The following CENPS variants were observed in gnomAD, a reference collection of about 807,000 sequenced individuals.
CENPS encodes the protein FANCM associated histone fold protein 1.
Under a neutral mutation model 17.9 loss-of-function variants are expected in CENPS, and 16 were observed. The ratio of observed to expected loss-of-function variants is 0.90; its 90% CI spans 0.61 to 1.36. The LOEUF (loss-of-function observed/expected upper bound fraction) is 1.36, where lower values mean the gene tolerates loss of function less well. CENPS is among the 40% of genes most tolerant of loss of function. CENPS has a pLI of 0.00. For synonymous variants in CENPS, 49 were observed against 55.8 expected, an observed-to-expected ratio of 0.88 and a Z score of 0.54; for missense variants, 160 against 158.6, an observed-to-expected ratio of 1.01 and a Z score of -0.05.
At chr1:10,432,731 T>C (rs1350713734) in intron 1 of CENPS, among the ~76,000 whole-genome samples, 1 of 151,972 alleles carries the variant, frequency 6.6e-6, no homozygotes, top group Non-Finnish European at 1.5e-5. Context: ...CACCCATACC[T>C]AAAAAAGATG....
chr1:10,430,887 G>A (rs1016416189), intron 1 of CENPS: 1 of 1,287,160 alleles, frequency 7.8e-7, no homozygotes. Context: ...TGGGGTTTTC[G>A]TGAGGGTACA....
intron 3 of CENPS, among the ~76,000 whole-genome samples, chr1:10,436,732 G>A (rs200525429): frequency 4.3e-5 from 6 of 140,790 alleles, no homozygotes; most frequent in South Asian, 2.2e-4. Flanking sequence ...GAAAAGAAAA[G>A]AAAAAAAAAA....
Position 10,442,386 on chromosome 1 carries a change from T to C in CENPS, c.398T>C (p.Val133Ala). 5.1e-6 allele frequency: 8 copies of C among 1,582,980 alleles called. No individual in the cohort carries two copies. Among genetic ancestry groups the C allele is most frequent in the Non-Finnish European group, 6.8e-6 (8 of 1,171,616 alleles). The change falls in exon 5 of 5, where the codon GTG (valine) becomes GCG (alanine). Residue 133 changes from valine to alanine, a missense_variant. Physicochemically the swap from Val to Ala is moderately conservative, Grantham distance 64. Transcript: ENST00000309048. Reference protein sequence around the residue: ...KNSRQPAEAGVVESEN With the variant: ...KNSRQPAEAGAVESEN ...TCAAGGCAGCCAGCAGAGGCTGGAG[T>C]GGTGGAAAGTGAGAATTAAAGTCCC... is the stretch of plus-strand genomic sequence containing the variant.
intron 4 of CENPS, among the ~76,000 whole-genome samples, chr1:10,441,490 G>A (rs114970595): frequency 0.028 from 4,145 of 150,678 alleles, 181 homozygotes; most frequent in African/African-American, 0.095. Context: ...ATTTTTGTAT[G>A]TTTTGTAGAG....
At position 10,440,362 on chromosome 1, in the gene CENPS, C is replaced by A; in HGVS notation, c.225C>A (p.Thr75=). The A allele has an allele frequency of 6.2e-7, 1 of 1,613,568 alleles. No homozygotes were observed. Among genetic ancestry groups the A allele is most frequent in the Non-Finnish European group, 8.5e-7 (1 of 1,179,844 alleles). Reference sequence around the variant, plus strand: ...CTTTCTGCAGACATGCGAAAAGAACCACAATTAACACTGAAGATGTGAAGC... The same window carrying A: ...CTTTCTGCAGACATGCGAAAAGAACAACAATTAACACTGAAGATGTGAAGC... The part of the protein sequence containing the change: ...LEMFARHAKR[T]TINTEDVKLL... The change falls in exon 4 of 5, where the codon ACC becomes ACA. Residue 75 remains threonine, a synonymous_variant. Coordinates refer to ENST00000309048, the MANE Select transcript of CENPS (RefSeq NM_199294.3).
At chr1:10,437,826 A>G (rs1640237804) in intron 3 of CENPS, among the ~76,000 whole-genome samples, 1 of 144,130 alleles carries the variant, frequency 6.9e-6, no homozygotes, top group African/African-American at 2.6e-5. Flanking sequence ...GCAGCAGCTC[A>G]ATCTCGGCTC....
Position 10,442,363 on chromosome 1 carries a change from A to G in CENPS, c.375A>G (p.Ser125=). The G allele has an allele frequency of 6.2e-7, 1 of 1,606,638 alleles. No individual in the cohort carries two copies. Among genetic ancestry groups the G allele is most frequent in the Non-Finnish European group, 8.5e-7 (1 of 1,178,202 alleles). The change falls in exon 5 of 5, where the codon TCA becomes TCG. Residue 125 remains serine (S), a synonymous_variant. Coordinates refer to ENST00000309048, the MANE Select transcript of CENPS (RefSeq NM_199294.3). ...KKKSEDGSKN[S]RQPAEAGVVE... is the part of the protein sequence containing the mutation. ...AGTCAGAGGATGGAAGCAAAAATTC[A>G]AGGCAGCCAGCAGAGGCTGGAGTGG...
chr1:10,436,085 C>G (rs914014712), intron 3 of CENPS, among the ~76,000 whole-genome samples: 4 of 150,926 alleles, frequency 2.7e-5, no homozygotes, highest in Non-Finnish European at 5.9e-5. Flanking sequence ...TCAAGTGATT[C>G]TCCTGCCTCA....
intron 3 of CENPS, among the ~76,000 whole-genome samples, chr1:10,437,489 C>T (rs895688847): frequency 1.6e-5 from 2 of 121,572 alleles, no homozygotes; most frequent in African/African-American, 6.2e-5. Context: ...TGGAGTCTCA[C>T]TCTGTCGCCC....
chr1:10,440,335 C>T lies in CENPS; in HGVS notation c.210-12C>T, dbSNP rs557932514. 1 of 1,611,780 alleles carries T rather than the reference C, an allele frequency of 6.2e-7. No homozygotes were observed. Among genetic ancestry groups the T allele is most frequent in the African/African-American group, 1.3e-5 (1 of 74,928 alleles). ...CAAACATTTTGGTGACTTGCTTCTGCCCTTTCTGCAGACATGCGAAAAGAA... is the reference window on the plus strand; with the variant it reads ...CAAACATTTTGGTGACTTGCTTCTGTCCTTTCTGCAGACATGCGAAAAGAA... On this transcript the variant is annotated splice_polypyrimidine_tract_variant and intron_variant, in intron 3 of 4. Coordinates refer to ENST00000309048, the MANE Select transcript of CENPS (RefSeq NM_199294.3).
At chr1:10,441,313 CTTTTTTTTTT>C (rs747986112) in intron 4 of CENPS, among the ~76,000 whole-genome samples, 2 of 109,576 alleles carry the variant, frequency 1.8e-5, no homozygotes, top group South Asian at 3.2e-4. Flanking sequence ...TGTGCCACAA[CTTTTTTTTTT>C]TTTTTTTTTT....
intron 4 of CENPS, among the ~76,000 whole-genome samples, chr1:10,441,218 C>T (rs1640393221): frequency 1.3e-5 from 2 of 151,304 alleles, no homozygotes; most frequent in Non-Finnish European, 2.9e-5. Context: ...CATGCAGTCT[C>T]TCTCTGTTGC....
chr1:10,436,858 A>G (rs992130719), intron 3 of CENPS, among the ~76,000 whole-genome samples: 2 of 152,166 alleles, frequency 1.3e-5, no homozygotes, highest in Non-Finnish European at 2.9e-5. Flanking sequence ...AGCACAACCC[A>G]CAAGTACAGG....
chr1:10,440,400 G>C lies in CENPS; in HGVS notation c.263G>C (p.Arg88Thr), dbSNP rs769016660. 3.1e-6 allele frequency: 5 copies of C among 1,614,056 alleles called. No individual in the cohort carries two copies. In the South Asian group the frequency reaches 5.5e-5, roughly 18 times the overall value. Residue 88 changes from arginine (R) to threonine (T), a missense_variant, in exon 4 of 5, where the codon AGG (arginine) becomes ACG (threonine). By Grantham distance (71) the Arg-to-Thr change is moderately conservative. Coordinates refer to ENST00000309048, the MANE Select transcript of CENPS (RefSeq NM_199294.3). ...GAAGATGTGAAGCTCTTAGCCAGGA[G>C]GAGTAATTCACTGGTGAGAGATGAA... ...NTEDVKLLAR[R>T]SNSLLKYITD...
intron 3 of CENPS, among the ~76,000 whole-genome samples, chr1:10,438,909 C>T (rs1467802127): frequency 6.6e-6 from 1 of 152,140 alleles, no homozygotes; most frequent in African/African-American, 2.4e-5. Flanking sequence ...ACTAGGCCAC[C>T]CTGTCCATGT....
At position 10,434,688 on chromosome 1, in the gene CENPS, A is replaced by C; in HGVS notation, c.207A>C (p.Ala69=). Residue 69 remains alanine, a splice_region_variant and synonymous_variant, in exon 3 of 5, where the codon GCA becomes GCC. Transcript: ENST00000309048. ...ENFAKDLEMF[A]RHAKRTTINT... ...TTGCCAAAGACCTTGAAATGTTTGC[A>C]AGGTGGGTAGAGAACTTGATTATCC... 3 of 1,606,810 alleles carry C rather than the reference A, an allele frequency of 1.9e-6. No individual in the cohort carries two copies. The highest frequency in any genetic ancestry group is 2.5e-6 in the Non-Finnish European group (3 of 1,178,012).
Position 10,430,958 on chromosome 1 carries a change from C to T in CENPS, c.51+390C>T, listed in dbSNP as rs183210256. On this transcript the variant is annotated intron_variant, in intron 1 of 4. Transcript: ENST00000309048. Reference sequence around the variant, plus strand: ...GCGGTGGGCGGTTCGGGCCGGAGCTCTGGAACGCTGGCCCTGGAGGCGTCG... The same window carrying T: ...GCGGTGGGCGGTTCGGGCCGGAGCTTTGGAACGCTGGCCCTGGAGGCGTCG... 1,055 of 1,259,484 alleles carry T rather than the reference C, an allele frequency of 8.4e-4. 10 individuals carry two copies. In the African/African-American group the frequency reaches 0.015, roughly 18 times the overall value. 78.0% of individuals were successfully genotyped at this position (1,259,484 alleles called of 1,614,324 possible). A position where few individuals can be genotyped will look rare whatever the true frequency, so the allele number is the denominator to read the frequency against.
chr1:10,438,935 C>G (rs1055897214), intron 3 of CENPS, among the ~76,000 whole-genome samples: 2 of 152,262 alleles, frequency 1.3e-5, no homozygotes, highest in African/African-American at 2.4e-5. Flanking sequence ...TAACATTCTC[C>G]ACCCAGAACG....
chr1:10,442,681 T>A lies in CENPS; in HGVS notation c.*276T>A. 3.0e-6 allele frequency: 1 copy of A among 333,046 alleles called. No homozygotes were observed. The highest frequency in any genetic ancestry group is 5.0e-6 in the Non-Finnish European group (1 of 201,432). 20.6% of individuals were successfully genotyped at this position (333,046 alleles called of 1,614,324 possible). The stretch of plus-strand genomic sequence containing the variant: ...TGGTATATATTAGAAATTACATCTG[T>A]TGTAATTAAAATTGTGTGAGCAATT... On this transcript the variant is annotated 3_prime_UTR_variant, in exon 5 of 5. Coordinates refer to ENST00000309048, the MANE Select transcript of CENPS (RefSeq NM_199294.3).
Sources: gnomAD v4.1 joint callset for allele counts (sites outside exome capture counted in the v4.1 genomes callset) on GRCh38, gnomAD v4.1.1 for gene constraint, MANE v1.5 for transcripts, NCBI Gene and HGNC (gene_info 2026-07-23, HGNC 2026-07-21) for gene names.